The following MAPK10 variants were observed in gnomAD, a reference collection of about 807,000 sequenced individuals.
MAPK10 encodes mitogen-activated protein kinase 10, also known as JNK3 alpha protein kinase.
Under a neutral mutation model 59.3 loss-of-function variants are expected in MAPK10, and 25 were observed. The observed-to-expected ratio is 0.42, with a 90% CI of 0.31 to 0.59. The LOEUF (loss-of-function observed/expected upper bound fraction) is 0.59, where lower values mean the gene tolerates loss of function less well. Among genes scored for constraint, MAPK10 ranks in the 20% least tolerant of loss-of-function variants. The pLI, the probability that MAPK10 is intolerant of heterozygous loss-of-function variation, is 0.15. For missense variants in MAPK10, 351 were observed against 568.9 expected, an observed-to-expected ratio of 0.62 and a Z score of 3.90; for synonymous variants, 190 against 200.5, an observed-to-expected ratio of 0.95 and a Z score of 0.44.
chr4:86,019,810 T>C (rs984149984), intron 13 of MAPK10, among the ~76,000 whole-genome samples: 1 of 152,194 alleles, frequency 6.6e-6, no homozygotes, highest in Non-Finnish European at 1.5e-5. Context: ...AATTGCTTTT[T>C]TCTTACTATT....
chr4:86,550,596 G>T (rs1759700399), intron 1 of MAPK10, among the ~76,000 whole-genome samples: 1 of 152,026 alleles, frequency 6.6e-6, no homozygotes, highest in Admixed American at 6.6e-5. Context: ...CTACTCGGGA[G>T]GGAGGCTGAG....
intron 11 of MAPK10, among the ~76,000 whole-genome samples, chr4:86,034,452 A>G (rs2039758502): frequency 6.6e-6 from 1 of 152,218 alleles, no homozygotes. Flanking sequence ...AATTGTTTCA[A>G]TTAAATGAGG....
chr4:86,577,813 C>T (rs1762010957), intron 1 of MAPK10, among the ~76,000 whole-genome samples: 1 of 151,964 alleles, frequency 6.6e-6, no homozygotes, highest in Non-Finnish European at 1.5e-5. Context: ...AAAACAGGGG[C>T]ATGAAAGTCT....
In MAPK10 at chr4:86,211,671, A is replaced by G. The variant is rs528665777; in HGVS notation, c.-6-17264T>C. 3.3e-5 allele frequency among the ~76,000 whole-genome samples: 5 copies of G among 152,278 alleles called. No homozygotes were observed. The South Asian group carries it at 8.3e-4, about 25-fold the overall frequency. On this transcript the variant is annotated intron_variant, in intron 2 of 13. Transcript: ENST00000641462. ...AAATATATAGATAATTATAAAAGTT[A>G]GTATTATTGCAATAATCATTTGTAA...
chr4:86,247,220 C>T (rs1473003177), intron 2 of MAPK10, among the ~76,000 whole-genome samples: 1 of 152,164 alleles, frequency 6.6e-6, no homozygotes, highest in Non-Finnish European at 1.5e-5. Flanking sequence ...CTGTATTTTC[C>T]TCTATGTTCT....
At chr4:86,487,736 A>C (rs1016465235) in intron 1 of MAPK10, among the ~76,000 whole-genome samples, 13 of 151,980 alleles carry the variant, frequency 8.6e-5, no homozygotes, top group African/African-American at 3.1e-4. Flanking sequence ...GTCTCAAAAA[A>C]AAAAAAAAAA....
At chr4:86,183,545 G>T in intron 3 of MAPK10, among the ~76,000 whole-genome samples, 1 of 151,942 alleles carries the variant, frequency 6.6e-6, no homozygotes, top group East Asian at 1.9e-4. Flanking sequence ...ATCATTGTTG[G>T]ACATTTGGGT....
intron 1 of MAPK10, among the ~76,000 whole-genome samples, chr4:86,412,352 G>A (rs978418733): frequency 3.9e-5 from 6 of 151,910 alleles, no homozygotes; most frequent in Non-Finnish European, 5.9e-5. Context: ...TCATTTCAAC[G>A]TTGGTGAATC....
chr4:86,265,396 C>G (rs753267522), intron 2 of MAPK10, among the ~76,000 whole-genome samples: 55 of 151,704 alleles, frequency 3.6e-4, no homozygotes, highest in Non-Finnish European at 5.0e-4. Context: ...GCAATCCCAG[C>G]TACTCAGGAG....
intron 1 of MAPK10, among the ~76,000 whole-genome samples, chr4:86,572,970 A>T (rs979517099): frequency 6.6e-6 from 1 of 152,154 alleles, no homozygotes; most frequent in African/African-American, 2.4e-5. Flanking sequence ...TCTTTTGCCC[A>T]ATTAAAAAAA....
intron 2 of MAPK10, among the ~76,000 whole-genome samples, chr4:86,199,576 G>A (rs2082160229): frequency 6.6e-6 from 1 of 151,946 alleles, no homozygotes; most frequent in Non-Finnish European, 1.5e-5. Context: ...GGGAGATGAG[G>A]AGTGCCACTG....
At position 86,351,370 on chromosome 4, in the gene MAPK10, A is replaced by G. The variant is rs116698437; in HGVS notation, c.-7+3160T>C. ...CATTAGTCATACAATGTGTGTGTGTATATATATATACAGTGTGTATACACA... is the reference window on the plus strand; with the variant it reads ...CATTAGTCATACAATGTGTGTGTGTGTATATATATACAGTGTGTATACACA... On this transcript the variant is annotated intron_variant, in intron 2 of 13. Coordinates refer to ENST00000641462, the MANE Select transcript of MAPK10 (RefSeq NM_138982.4). Among the ~76,000 whole-genome samples, 1,316 of 144,874 alleles carry G rather than the reference A, an allele frequency of 9.1e-3. 15 individuals are homozygous for G. Among genetic ancestry groups the G allele is most frequent in the African/African-American group, 0.031 (1,223 of 39,546 alleles).
intron 11 of MAPK10, among the ~76,000 whole-genome samples, chr4:86,055,842 C>A (rs968682168): frequency 2.0e-5 from 3 of 149,864 alleles, no homozygotes; most frequent in Admixed American, 6.6e-5. Flanking sequence ...GTATTTTCTG[C>A]CACTTGAGAG....
intron 4 of MAPK10, chr4:86,124,698 T>G (rs549763935): frequency 1.3e-5 from 2 of 152,148 alleles, no homozygotes; most frequent in East Asian, 3.9e-4. Flanking sequence ...ATTTTGAGAT[T>G]CCATAATCAT....
At chr4:86,280,409 C>T (rs1052429574) in intron 2 of MAPK10, among the ~76,000 whole-genome samples, 1 of 152,138 alleles carries the variant, frequency 6.6e-6, no homozygotes, top group African/African-American at 2.4e-5. Context: ...AAGATACTAT[C>T]TCATGCCAGT....
intron 11 of MAPK10, among the ~76,000 whole-genome samples, chr4:86,057,271 T>C (rs1220468939): frequency 6.7e-6 from 1 of 150,066 alleles, no homozygotes; most frequent in Non-Finnish European, 1.5e-5. Context: ...AGTCAAATAA[T>C]AGTTTAAAAA....
At chr4:86,406,413 G>A (rs562855026) in intron 1 of MAPK10, among the ~76,000 whole-genome samples, 89 of 152,282 alleles carry the variant, frequency 5.8e-4, no homozygotes, top group Non-Finnish European at 1.0e-3. Context: ...AACCCTTTAT[G>A]TTAAATACTC....
intron 2 of MAPK10, among the ~76,000 whole-genome samples, chr4:86,197,775 T>C (rs958860509): frequency 5.3e-5 from 8 of 152,116 alleles, no homozygotes; most frequent in Non-Finnish European, 1.2e-4. Context: ...AGGATAAGAA[T>C]ATATAAGACA....
chr4:86,468,037 G>C (rs1460041177), intron 1 of MAPK10, among the ~76,000 whole-genome samples: 2 of 152,200 alleles, frequency 1.3e-5, no homozygotes, highest in African/African-American at 4.8e-5. Flanking sequence ...AGAACAAAAT[G>C]CTTGCTAACC....
Sources: allele counts gnomAD v4.1 joint callset (sites outside exome capture counted in the v4.1 genomes callset), GRCh38; gene constraint gnomAD v4.1.1; transcripts MANE v1.5; gene names NCBI Gene and HGNC (gene_info 2026-07-23, HGNC 2026-07-21).